AP1B1: variants seen among roughly 807,000 people sequenced by gnomAD.
AP1B1 encodes adaptor related protein complex 1 subunit beta 1.
A neutral mutation model predicts 104.3 loss-of-function variants in AP1B1; 36 were observed. That is an observed-to-expected ratio of 0.35 (90% CI 0.26 to 0.46). The LOEUF is 0.46. Among genes scored for constraint, AP1B1 ranks in the 20% least tolerant of loss-of-function variants. AP1B1 has a pLI of 1.00. For missense variants in AP1B1, 901 were observed against 1,247.9 expected (o/e 0.72, Z 4.19); for synonymous variants, 504 against 517.5 (o/e 0.97, Z 0.35).
At chr22:29,366,758 C>G (rs1033286505) in intron 2 of AP1B1, among the ~76,000 whole-genome samples, 1 of 151,694 alleles carries the variant, frequency 6.6e-6, no homozygotes, top group African/African-American at 2.4e-5. Context: ...AAGATCGCAC[C>G]ACTGCACTCC....
Position 29,339,736 on chromosome 22 carries a change from G to A in AP1B1, c.2019+18C>T, listed in dbSNP as rs746218353. The A allele has an allele frequency of 2.0e-5, 32 of 1,608,850 alleles. No individual in the cohort carries two copies. Among genetic ancestry groups the A allele is most frequent in the Middle Eastern group, 1.6e-4 (1 of 6,072 alleles). On this transcript the variant is annotated intron_variant, in intron 15 of 22. Coordinates refer to ENST00000357586, the MANE Select transcript of AP1B1 (RefSeq NM_001127.4). Reference sequence around the variant, plus strand: ...GGAGCAAGGACGAAGGCTTGGTGACGCAAGGGTTGAACCATACCCCTTCAG... The same window carrying A: ...GGAGCAAGGACGAAGGCTTGGTGACACAAGGGTTGAACCATACCCCTTCAG...
chr22:29,343,780 A>G (rs1362393603), intron 11 of AP1B1, among the ~76,000 whole-genome samples: 1 of 152,006 alleles, frequency 6.6e-6, no homozygotes, highest in East Asian at 1.9e-4. Flanking sequence ...CAGTCATTAC[A>G]CCTCACAGCG....
intron 5 of AP1B1, among the ~76,000 whole-genome samples, chr22:29,358,015 T>C (rs958572977): frequency 3.9e-5 from 6 of 152,206 alleles, no homozygotes; most frequent in East Asian, 3.8e-4. Flanking sequence ...GTGTTCTGCA[T>C]TGTTTCCAAC....
Position 29,340,848 on chromosome 22 carries a change from G to T in AP1B1, c.1806C>A (p.Ser602Arg). The T allele has an allele frequency of 6.3e-7, 1 of 1,593,694 alleles. No individual in the cohort carries two copies. Among genetic ancestry groups the T allele is most frequent in the South Asian group, 1.1e-5 (1 of 87,150 alleles). ...TAGGGGCTGTCTCAGGGCTCTCTGC[G>T]CTCTCACTCCTGCCGGGACACAGAA... ...SLPPRTASSESAESPETAPTG... is the reference protein window; with the variant it reads ...SLPPRTASSERAESPETAPTG... The change falls in exon 14 of 23, where the codon AGC becomes AGA. Residue 602 changes from serine to arginine, a missense_variant. Around this residue, in one of 3 missense-constraint regions of AP1B1, gnomAD observed 424 missense variants for 494.0 expected, o/e 0.86. Coordinates refer to ENST00000357586, the MANE Select transcript of AP1B1 (RefSeq NM_001127.4).
rs2061926852 is a variant in AP1B1 at position 29,354,615 on chromosome 22, G to A, written c.938+35C>T. 6.3e-6 allele frequency: 10 copies of A among 1,584,132 alleles called. No individual in the cohort carries two copies. In the East Asian group the frequency reaches 2.2e-4, roughly 35 times the overall value. ...TCCCAGCAGAAGAGGCTCCCCGAGG[G>A]GTACGCATGGACGTGCGTGTGGTGA... On this transcript the variant is annotated intron_variant, in intron 7 of 22. Coordinates refer to ENST00000357586, the MANE Select transcript of AP1B1 (RefSeq NM_001127.4).
intron 8 of AP1B1, 30 bp from the exon 9 acceptor site, chr22:29,351,296 G>A: frequency 2.5e-6 from 4 of 1,610,340 alleles, no homozygotes; most frequent in Non-Finnish European, 3.4e-6. Context: ...GATGGGGCTG[G>A]GGCACCTGAT....
chr22:29,349,510 T>A (rs1191535598), intron 10 of AP1B1, 127 bp from the exon 11 acceptor site: 2 of 978,486 alleles, frequency 2.0e-6, no homozygotes, highest in African/African-American at 1.7e-5. Context: ...GTAAAGGGGA[T>A]CTGAGTTTTG....
chr22:29,366,466 G>A (rs571611219), intron 2 of AP1B1, among the ~76,000 whole-genome samples: 3 of 152,112 alleles, frequency 2.0e-5, no homozygotes, highest in Admixed American at 6.6e-5. Flanking sequence ...GAGAAACCCC[G>A]TCTCTACCAA....
chr22:29,379,275 C>A (rs557567221), intron 1 of AP1B1, among the ~76,000 whole-genome samples: 3 of 152,144 alleles, frequency 2.0e-5, no homozygotes, highest in South Asian at 2.1e-4. Context: ...ATTGCTTGAA[C>A]CTGAAATCGC....
chr22:29,330,356 G>A (rs1569149683), intron 21 of AP1B1, 22 bp downstream of exon 21: 1 of 1,612,138 alleles, frequency 6.2e-7, no homozygotes, highest in Non-Finnish European at 8.5e-7. Flanking sequence ...CAAGGCTGCA[G>A]GGCGGGTGCC....
At chr22:29,349,478 T>TC in intron 10 of AP1B1, 95 bp from the exon 11 acceptor site, 1 of 1,344,452 alleles carries the variant, frequency 7.4e-7, no homozygotes, top group Non-Finnish European at 1.0e-6. Flanking sequence ...GGGACCTGCC[T>TC]CCTAAGACCC....
Position 29,340,653 on chromosome 22 carries a change from T to C in AP1B1, c.1998+3A>G, listed in dbSNP as rs1476050697. 6.5e-7 allele frequency: 1 copy of C among 1,545,272 alleles called. No homozygotes were observed. The highest frequency in any genetic ancestry group is 1.2e-5 in the South Asian group (1 of 83,012). ...CATCATCCAGAGGGGGCCCACAACA[T>C]ACCAGGCTGTCAAGGCCACCGCCAA... On this transcript the variant is annotated splice_donor_region_variant and intron_variant, in intron 14 of 22. Coordinates refer to ENST00000357586, the MANE Select transcript of AP1B1 (RefSeq NM_001127.4).
intron 2 of AP1B1, among the ~76,000 whole-genome samples, chr22:29,364,287 A>G (rs1371078885): frequency 6.6e-6 from 1 of 152,246 alleles, no homozygotes; most frequent in East Asian, 1.9e-4. Flanking sequence ...CATGAAATCA[A>G]TTGTTCTGAA....
Position 29,341,658 on chromosome 22 carries a change from G to C in AP1B1, c.1639C>G (p.Leu547Val). The change falls in exon 13 of 23, where the codon CTC (leucine) becomes GTC (valine). Residue 547 changes from leucine to valine, a missense_variant. Leu to Val is a conservative substitution (Grantham distance 32, BLOSUM62 1). Around this residue, in one of 3 missense-constraint regions of AP1B1, gnomAD observed 471 missense variants for 696.7 expected, o/e 0.68. Coordinates refer to ENST00000357586, the MANE Select transcript of AP1B1 (RefSeq NM_001127.4). ...ATGAGGTCCGTCTCTTCAGAGATGA[G>C]TGGCTTCTCAGCCAACACCACCTCC... Reference protein sequence around the residue: ...AKEVVLAEKPLISEETDLIEP... With the variant: ...AKEVVLAEKPVISEETDLIEP... 1 of 1,614,216 alleles carries C rather than the reference G, an allele frequency of 6.2e-7. No homozygotes were observed. Among genetic ancestry groups the C allele is most frequent in the South Asian group, 1.1e-5 (1 of 91,088 alleles).
intron 3 of AP1B1, among the ~76,000 whole-genome samples, chr22:29,361,158 G>A (rs148679387): frequency 0.01 from 1,529 of 152,342 alleles, 5 homozygotes; most frequent in African/African-American, 0.036. Flanking sequence ...CTTTGTCCTG[G>A]AAGGAATCTG....
At position 29,351,820 on chromosome 22, in the gene AP1B1, T is replaced by A. The variant is rs779408860; in HGVS notation, c.944A>T (p.Glu315Val). 6.2e-7 allele frequency: 1 copy of A among 1,614,156 alleles called. No homozygotes were observed. The highest frequency in any genetic ancestry group is 1.1e-5 in the South Asian group (1 of 91,084). The change falls in exon 8 of 23, where the codon GAG (glutamate) becomes GTG (valine). Residue 315 changes from glutamate (E) to valine (V), a missense_variant. By Grantham distance (121) the Glu-to-Val change is moderately radical. Transcript: ENST00000357586. ...CACCTTCATCTCATGCTTCAGGATC[T>A]CAGGCCTGGTGGTGGGGCAGGATGC... Reference protein sequence around the residue: ...NINLIVQKRPEILKHEMKVFF... With the variant: ...NINLIVQKRPVILKHEMKVFF...
Position 29,330,545 on chromosome 22 carries a change from A to G in AP1B1, c.2612-13T>C, listed in dbSNP as rs2061541426. On this transcript the variant is annotated splice_polypyrimidine_tract_variant and intron_variant, in intron 20 of 22. Coordinates refer to ENST00000357586, the MANE Select transcript of AP1B1 (RefSeq NM_001127.4). Reference sequence around the variant, plus strand: ...CTGCTCGCAGCCTCTGTGGGGTCACATGGCCGTGAGAGGCCCCAGTCAGCG... The same window carrying G: ...CTGCTCGCAGCCTCTGTGGGGTCACGTGGCCGTGAGAGGCCCCAGTCAGCG... 2 of 1,610,056 alleles carry G rather than the reference A, an allele frequency of 1.2e-6. No homozygotes were observed. Among genetic ancestry groups the G allele is most frequent in the South Asian group, 1.1e-5 (1 of 91,030 alleles).
chr22:29,330,093 T>C (rs990525743), intron 21 of AP1B1: 1 of 1,413,882 alleles, frequency 7.1e-7, no homozygotes, highest in Non-Finnish European at 9.2e-7. Flanking sequence ...GCAATGTCAC[T>C]TCCCAGTCAG....
chr22:29,328,635 C>A lies in AP1B1; in HGVS notation c.*186G>T, dbSNP rs2061511380. ...TCCCAGAGCACGGGAGTGCACTGCG[C>A]TCTCACCCCAGGAGGGGGTGGTGCC... On this transcript the variant is annotated 3_prime_UTR_variant, in exon 23 of 23. Transcript: ENST00000357586. This position sits in a 1 kb window ranked among gnomAD's most constrained non-coding sequence, Gnocchi z 4.1. 1 of 675,332 alleles carries A rather than the reference C, an allele frequency of 1.5e-6. No individual in the cohort carries two copies. The allele number at this position is 675,332 out of a possible 1,614,324, so 41.8% of individuals were successfully genotyped here. A position where few individuals can be genotyped will look rare whatever the true frequency, so the allele number is the denominator to read the frequency against.
Sources: allele counts gnomAD v4.1 joint callset (sites outside exome capture counted in the v4.1 genomes callset), GRCh38; gene constraint gnomAD v4.1.1; regional missense constraint gnomAD v4.1.1; non-coding constraint Gnocchi (gnomAD v3.1); transcripts MANE v1.5; gene names NCBI Gene and HGNC (gene_info 2026-07-23, HGNC 2026-07-21).